DNAH9: variants seen among roughly 807,000 people sequenced by gnomAD.
DNAH9 encodes dynein axonemal heavy chain 9, also known as DNAH9 variant protein.
Under a neutral mutation model 471.6 loss-of-function variants are expected in DNAH9, and 345 were observed. That is an observed-to-expected ratio of 0.73 (90% CI 0.67 to 0.80). DNAH9 has a LOEUF of 0.80. Ranked by LOEUF, DNAH9 falls within the 30% of genes least tolerant of loss-of-function variation. DNAH9 has a pLI of 0.00. For missense variants in DNAH9, 5,407 were observed against 5,609.2 expected (o/e 0.96, Z 1.15); for synonymous variants, 2,093 against 2,123.6 (o/e 0.99, Z 0.40).
chr17:11,953,924 C>T (rs555716889), intron 67 of DNAH9: 95 of 151,744 alleles, frequency 6.3e-4, no homozygotes, highest in African/African-American at 1.4e-3. Context: ...TATTAAAAGA[C>T]GCAAATGGAA....
At chr17:11,694,702 C>CTCGCTTTCTCGCTT (rs2074411698) in intron 22 of DNAH9, among the ~76,000 whole-genome samples, 1 of 4,064 alleles carries the variant, frequency 2.5e-4, no homozygotes, top group African/African-American at 3.1e-4. Context: ...TTCTCGCTTT[C>CTCGCTTTCTCGCTT]TCTCTCTCTC....
chr17:11,654,131 G>A lies in DNAH9; in HGVS notation c.2595+1129G>A, dbSNP rs1419771998. ...AGCACTTTGGGAGGCCGAGGCGGGC[G>A]GATCACGAGGTCAGGAGATCGAGAC... On this transcript the variant is annotated intron_variant, in intron 14 of 68. Coordinates refer to ENST00000262442, the MANE Select transcript of DNAH9 (RefSeq NM_001372.4). Among the ~76,000 whole-genome samples, 7 of 67,008 alleles carry A rather than the reference G, an allele frequency of 1.0e-4. 2 individuals carry two copies. Among genetic ancestry groups the A allele is most frequent in the African/African-American group, 2.1e-4 (4 of 19,096 alleles). 44.0% of individuals were successfully genotyped at this position (67,008 alleles called of 152,430 possible). A position where few individuals can be genotyped will look rare whatever the true frequency, so the allele number is the denominator to read the frequency against.
intron 7 of DNAH9, chr17:11,630,492 A>T (rs376419989): frequency 5.4e-4 from 83 of 152,426 alleles, no homozygotes; most frequent in African/African-American, 1.9e-3. Flanking sequence ...GTGGGAGTTG[A>T]ACAACGAGAA....
intron 68 of DNAH9, among the ~76,000 whole-genome samples, chr17:11,965,183 A>G (rs980409465): frequency 1.3e-5 from 2 of 152,238 alleles, no homozygotes; most frequent in African/African-American, 4.8e-5. Context: ...AGCTGTGGAC[A>G]TGCTCAAGAG....
At chr17:11,850,483 T>C (rs1187803573) in intron 49 of DNAH9, among the ~76,000 whole-genome samples, 1 of 152,128 alleles carries the variant, frequency 6.6e-6, no homozygotes, top group Non-Finnish European at 1.5e-5. Context: ...ACCCTGTCTC[T>C]ACTACTATAC....
chr17:11,770,896 A>G (rs1055635474), intron 38 of DNAH9, among the ~76,000 whole-genome samples: 6 of 152,080 alleles, frequency 3.9e-5, no homozygotes, highest in Admixed American at 6.6e-5. Flanking sequence ...TGGTGTAAAT[A>G]CTCCCACCGT....
Position 11,883,749 on chromosome 17 carries a change from A to C in DNAH9, c.10970A>C (p.Lys3657Thr). The part of the protein sequence containing the change: ...TKQTAAEVEK[K>T]VQEAKVTEVK... ...CAGACTGCTGCCGAAGTTGAGAAAAAGGTAAAACTCCTCTGGCTAGTCTGG... is the reference window on the plus strand; with the variant it reads ...CAGACTGCTGCCGAAGTTGAGAAAACGGTAAAACTCCTCTGGCTAGTCTGG... Residue 3657 changes from lysine (K) to threonine (T), a missense_variant and splice_region_variant, in exon 56 of 69, where the codon AAG (lysine) becomes ACG (threonine). Transcript: ENST00000262442. 6.2e-7 allele frequency: 1 copy of C among 1,613,400 alleles called. No homozygotes were observed. Among genetic ancestry groups the C allele is most frequent in the Non-Finnish European group, 8.5e-7 (1 of 1,179,784 alleles).
In DNAH9 at chr17:11,679,809, A is replaced by C. The variant is rs762247093; in HGVS notation, c.3406A>C (p.Lys1136Gln). ...GAAGAGTGAGAGCGGCTTACTCAAG[A>C]AAGTTGAAAAAGGAGATTTCCAAGG... ...IKKSESGLLK[K>Q]VEKGDFQGLV... is the part of the protein sequence containing the mutation. Residue 1136 changes from lysine to glutamine, a missense_variant, in exon 18 of 69, where the codon AAA (lysine) becomes CAA (glutamine). Lys to Gln is a moderately conservative substitution (Grantham distance 53). Transcript: ENST00000262442. 5.0e-6 allele frequency: 8 copies of C among 1,614,160 alleles called. No individual in the cohort carries two copies. The South Asian group carries it at 6.6e-5, about 13-fold the overall frequency.
chr17:11,934,077 ACT>A lies in DNAH9; in HGVS notation c.12489+9_12489+10del. The A allele has an allele frequency of 6.2e-7, 1 of 1,610,992 alleles. No individual in the cohort carries two copies. The highest frequency in any genetic ancestry group is 8.5e-7 in the Non-Finnish European group (1 of 1,178,294). On this transcript the variant is annotated splice_region_variant and intron_variant, in intron 65 of 68. Transcript: ENST00000262442. ...ACTACAATGGTTATCATCAGGTGAG[ACT>A]CTGCTCTGTGCTTCTGATGTCGTGA...
rs146143660 is a variant in DNAH9, at chr17:11,944,099, T to G, written c.12843+1614T>G. 3.9e-4 allele frequency among the ~76,000 whole-genome samples: 60 copies of G among 152,312 alleles called. 1 individual carries two copies. The East Asian group carries it at 7.7e-3, about 20-fold the overall frequency. ...AGTTGGTGTCATGAATCTCGGAGCT[T>G]GCCTGGGCAAAGATGCAGGGTGTGA... is the stretch of plus-strand genomic sequence containing the variant. On this transcript the variant is annotated intron_variant, in intron 67 of 68. Coordinates refer to ENST00000262442, the MANE Select transcript of DNAH9 (RefSeq NM_001372.4).
At chr17:11,647,482 G>T (rs2073417504) in intron 12 of DNAH9, among the ~76,000 whole-genome samples, 1 of 152,116 alleles carries the variant, frequency 6.6e-6, no homozygotes, top group Non-Finnish European at 1.5e-5. Flanking sequence ...GAATTCTGGG[G>T]TGTAGTGTTT....
At chr17:11,825,970 C>T (rs533101322) in intron 48 of DNAH9, among the ~76,000 whole-genome samples, 1 of 152,268 alleles carries the variant, frequency 6.6e-6, no homozygotes, top group Admixed American at 6.5e-5. Flanking sequence ...TGGGAGGGTT[C>T]CCCATGGAAA....
At chr17:11,969,219 T>TA (rs1976998765) in intron 68 of DNAH9, 81 bp from the exon 69 acceptor site, 1 of 1,273,742 alleles carries the variant, frequency 7.9e-7, no homozygotes, top group Admixed American at 1.9e-5. Context: ...TTTCCTCCCT[T>TA]GGATCTGCTG....
chr17:11,891,976 A>T (rs1973066406), intron 58 of DNAH9, 29 bp downstream of exon 58: 1 of 1,607,844 alleles, frequency 6.2e-7, no homozygotes, highest in African/African-American at 1.3e-5. Context: ...AGTTTCCAGA[A>T]AACAGGTTAT....
intron 22 of DNAH9, among the ~76,000 whole-genome samples, chr17:11,698,182 T>TTAATAATATATTAATTATA (rs2074515195): frequency 4.2e-5 from 5 of 120,350 alleles, no homozygotes; most frequent in Admixed American, 9.9e-5. Context: ...TAATATATTA[T>TTAATAATATATTAATTATA]TATATTAATA....
chr17:11,602,621 C>T (rs1178244622), intron 1 of DNAH9, among the ~76,000 whole-genome samples: 2 of 152,180 alleles, frequency 1.3e-5, no homozygotes, highest in African/African-American at 4.8e-5. Flanking sequence ...TTTTGCCTCC[C>T]AACTCACTGT....
At chr17:11,757,984 C>T (rs996521427) in intron 35 of DNAH9, among the ~76,000 whole-genome samples, 2 of 152,184 alleles carry the variant, frequency 1.3e-5, no homozygotes, top group African/African-American at 4.8e-5. Context: ...TATCAGATTA[C>T]AATCCAGACA....
chr17:11,862,638 C>A (rs1355067085), intron 50 of DNAH9, among the ~76,000 whole-genome samples: 1 of 152,148 alleles, frequency 6.6e-6, no homozygotes, highest in Non-Finnish European at 1.5e-5. Context: ...GATATTAATT[C>A]TTCCTACCCA....
rs145930162 is a variant in DNAH9, at chr17:11,719,383, C to T, written c.5602C>T (p.Pro1868Ser). The part of the protein sequence containing the change: ...QSLHLTMSGA[P>S]AGPAGTGKTE... ...CCTGCACCTGACCATGAGTGGGGCT[C>T]CCGCAGGACCTGCAGGCACAGGCAA... Residue 1868 changes from proline (P) to serine (S), a missense_variant, in exon 27 of 69, where the codon CCC becomes TCC. By Grantham distance (74) the Pro-to-Ser change is moderately conservative. Around this residue, in one of 3 missense-constraint regions of DNAH9, gnomAD observed 4,636 missense variants for 4,900.3 expected, o/e 0.95. Transcript: ENST00000262442. The T allele has an allele frequency of 1.5e-5, 24 of 1,613,986 alleles. No individual in the cohort carries two copies. The highest frequency in any genetic ancestry group is 1.8e-5 in the Non-Finnish European group (21 of 1,180,008).
Sources: gnomAD v4.1 joint callset for allele counts (sites outside exome capture counted in the v4.1 genomes callset) on GRCh38, gnomAD v4.1.1 for gene constraint, gnomAD v4.1.1 regional missense constraint, MANE v1.5 for transcripts, NCBI Gene and HGNC (gene_info 2026-07-23, HGNC 2026-07-21) for gene names.